Variants in WWTR1 observed in about 807,000 individuals in gnomAD.
WWTR1 encodes the protein WW domain-containing transcription regulator protein 1.
Under a neutral mutation model 40.1 loss-of-function variants are expected in WWTR1, and 13 were observed. The observed-to-expected ratio is 0.32, with a 90% CI of 0.21 to 0.52. The LOEUF (loss-of-function observed/expected upper bound fraction) is 0.52, where lower values mean the gene tolerates loss of function less well. Among genes scored for constraint, WWTR1 ranks in the 20% least tolerant of loss-of-function variants. The probability of loss-of-function intolerance (pLI) is 0.97; values close to 1 mark genes in which losing one functional copy is unlikely to be tolerated. For missense variants in WWTR1, 436 were observed against 523.1 expected (o/e 0.83, Z 1.63); for synonymous variants, 230 against 210.1 (o/e 1.09, Z -0.82).
At chr3:149,538,410 A>G (rs6779872) in intron 4 of WWTR1, among the ~76,000 whole-genome samples, 146,721 of 152,258 alleles carry the variant, frequency 0.96, 70,719 homozygotes, top group East Asian at 1. Context: ...ACTCTATCAC[A>G]GACAAAAGAC....
intron 3 of WWTR1, among the ~76,000 whole-genome samples, chr3:149,563,328 T>C (rs991741840): frequency 6.6e-6 from 1 of 152,180 alleles, no homozygotes; most frequent in Non-Finnish European, 1.5e-5. Context: ...CGTCACGGTT[T>C]AGGCTTACGA....
At chr3:149,538,221 A>G (rs1576544947) in intron 4 of WWTR1, among the ~76,000 whole-genome samples, 1 of 152,308 alleles carries the variant, frequency 6.6e-6, no homozygotes, top group East Asian at 1.9e-4. Flanking sequence ...CGCTTAGTCA[A>G]AAATTAAAAT....
intron 3 of WWTR1, among the ~76,000 whole-genome samples, chr3:149,544,199 AAT>A (rs151077516): frequency 2.1e-3 from 319 of 152,298 alleles, no homozygotes; most frequent in Non-Finnish European, 3.8e-3. Context: ...TTAAATGTAT[AAT>A]ATATGTGTAT....
At chr3:149,531,562 T>C (rs778208735) in intron 4 of WWTR1, among the ~76,000 whole-genome samples, 1 of 152,010 alleles carries the variant, frequency 6.6e-6, no homozygotes, top group East Asian at 1.9e-4. Flanking sequence ...TCCCACCTCC[T>C]GCACCTGCGC....
At chr3:149,669,012 T>C (rs930598092) in intron 2 of WWTR1, among the ~76,000 whole-genome samples, 5 of 152,324 alleles carry the variant, frequency 3.3e-5, no homozygotes, top group South Asian at 2.1e-4. Context: ...ACACAAGCCA[T>C]TGGCGTGGGA....
At chr3:149,594,845 G>C in intron 2 of WWTR1, among the ~76,000 whole-genome samples, 1 of 149,166 alleles carries the variant, frequency 6.7e-6, no homozygotes, top group East Asian at 2.0e-4. Flanking sequence ...ATTTTCTTGG[G>C]TATAATAATA....
chr3:149,624,031 T>C (rs1341817470), intron 2 of WWTR1, among the ~76,000 whole-genome samples: 1 of 152,212 alleles, frequency 6.6e-6, no homozygotes, highest in African/African-American at 2.4e-5. Flanking sequence ...CCAGAATCAC[T>C]TCCCTTCGTC....
chr3:149,525,377 G>A (rs1735251392), intron 6 of WWTR1, among the ~76,000 whole-genome samples: 1 of 151,978 alleles, frequency 6.6e-6, no homozygotes, highest in Non-Finnish European at 1.5e-5. Flanking sequence ...CCCCAATGTG[G>A]AAACATGGCA....
rs72615633 is a variant in WWTR1, at chr3:149,645,952, A to T, written c.431+10924T>A. Among the ~76,000 whole-genome samples the T allele has an allele frequency of 8.8e-3, 1,348 of 152,334 alleles. 14 individuals carry two copies. Among genetic ancestry groups the T allele is most frequent in the East Asian group, 0.037 (190 of 5,182 alleles). On this transcript the variant is annotated intron_variant, in intron 2 of 6. Transcript: ENST00000360632. The stretch of plus-strand genomic sequence containing the variant: ...AGTGTTCAGAATTGAGATGTGCCAC[A>T]GCAAAATTTTAAAACAATGAGTTAC...
At chr3:149,623,981 G>T (rs1403126905) in intron 2 of WWTR1, among the ~76,000 whole-genome samples, 1 of 152,188 alleles carries the variant, frequency 6.6e-6, no homozygotes, top group Non-Finnish European at 1.5e-5. Context: ...CATGTGGCTT[G>T]CATCACTCTC....
upstream of WWTR1, chr3:149,661,123 G>C (rs902490923): frequency 6.6e-6 from 1 of 152,228 alleles, no homozygotes; most frequent in Non-Finnish European, 1.5e-5. Context: ...GAGCCACTAA[G>C]TAAGAAGTCC....
At chr3:149,677,787 A>T (rs1714319110) in intron 1 of WWTR1, among the ~76,000 whole-genome samples, 1 of 151,598 alleles carries the variant, frequency 6.6e-6, no homozygotes, top group Non-Finnish European at 1.5e-5. Flanking sequence ...TTGCAGTGAG[A>T]CAAGATTGCA....
At chr3:149,615,992 G>C (rs1739952353) in intron 2 of WWTR1, among the ~76,000 whole-genome samples, 2 of 152,192 alleles carry the variant, frequency 1.3e-5, no homozygotes, top group African/African-American at 4.8e-5. Context: ...ATATTGGTCT[G>C]ATGGAGGCCA....
At chr3:149,560,692 TG>T (rs1467087147) in intron 3 of WWTR1, among the ~76,000 whole-genome samples, 1 of 152,120 alleles carries the variant, frequency 6.6e-6, no homozygotes, top group Non-Finnish European at 1.5e-5. Flanking sequence ...ATTTAAGTCT[TG>T]GCAAAATTCA....
At chr3:149,568,330 G>A (rs1418434031) in intron 3 of WWTR1, among the ~76,000 whole-genome samples, 1 of 146,582 alleles carries the variant, frequency 6.8e-6, no homozygotes, top group African/African-American at 2.8e-5. Flanking sequence ...AGGTTGCAGT[G>A]AGCCAAGTCT....
chr3:149,547,303 T>C lies in WWTR1; in HGVS notation c.569-4766A>G, dbSNP rs138884829. Among the ~76,000 whole-genome samples, 584 of 149,422 alleles carry C rather than the reference T, an allele frequency of 3.9e-3. 2 individuals are homozygous for C. The highest frequency in any genetic ancestry group is 0.014 in the African/African-American group (556 of 40,566). Reference sequence around the variant, plus strand: ...ACTTTGGGAGGTCGAGGCAGATGGATTGCCTGAGGTCAGGAGTTCGAGACC... The same window carrying C: ...ACTTTGGGAGGTCGAGGCAGATGGACTGCCTGAGGTCAGGAGTTCGAGACC... On this transcript the variant is annotated intron_variant, in intron 3 of 6. Transcript: ENST00000360632.
intron 2 of WWTR1, among the ~76,000 whole-genome samples, chr3:149,621,848 G>A (rs912735857): frequency 6.6e-6 from 1 of 152,174 alleles, no homozygotes; most frequent in African/African-American, 2.4e-5. Flanking sequence ...TCAACATGTT[G>A]TTGGCACAAT....
chr3:149,594,694 C>T, intron 2 of WWTR1, among the ~76,000 whole-genome samples: 1 of 151,410 alleles, frequency 6.6e-6, no homozygotes, highest in Non-Finnish European at 1.5e-5. Context: ...CTGATTGGAT[C>T]CTGCACTGGG....
In WWTR1 at chr3:149,591,748, G is replaced by GT. The variant is rs555848404; in HGVS notation, c.432-18749dup. On this transcript the variant is annotated intron_variant, in intron 2 of 6. Coordinates refer to ENST00000360632, the MANE Select transcript of WWTR1 (RefSeq NM_015472.6). ...TATTAGAAGAAACATTTCATTCTGG[G>GT]TTAGGAATTGTAGTCATTTTAAATG... Among the ~76,000 whole-genome samples, 317 of 152,156 alleles carry GT rather than the reference G, an allele frequency of 2.1e-3. 1 individual carries two copies. The highest frequency in any genetic ancestry group is 7.4e-3 in the African/African-American group (307 of 41,524).
Sources: gnomAD v4.1 joint callset for allele counts (sites outside exome capture counted in the v4.1 genomes callset) on GRCh38, gnomAD v4.1.1 for gene constraint, MANE v1.5 for transcripts, NCBI Gene and HGNC (gene_info 2026-07-23, HGNC 2026-07-21) for gene names.